ABTB2: variants seen among roughly 807,000 people sequenced by gnomAD.
The protein encoded by ABTB2 is ankyrin repeat and BTB/POZ domain-containing protein 2.
In ABTB2, 56 loss-of-function variants were observed where a neutral mutation model predicts 104.1. That is an observed-to-expected ratio of 0.54 (90% CI 0.43 to 0.67). The LOEUF is 0.67. Ranked by LOEUF, ABTB2 falls within the 30% of genes least tolerant of loss-of-function variation. The pLI, the probability that ABTB2 is intolerant of heterozygous loss-of-function variation, is 0.00. For synonymous variants in ABTB2, 606 were observed against 608.2 expected (o/e 1.00, Z 0.05); for missense variants, 1,279 against 1,407.7 (o/e 0.91, Z 1.46).
intron 1 of ABTB2, among the ~76,000 whole-genome samples, chr11:34,322,610 TAA>T (rs890164385): frequency 1.3e-5 from 2 of 151,778 alleles, no homozygotes; most frequent in Non-Finnish European, 2.9e-5. Flanking sequence ...AATAAAATAA[TAA>T]GAGAAAAAGA....
intron 1 of ABTB2, among the ~76,000 whole-genome samples, chr11:34,224,267 C>T (rs910912564): frequency 6.6e-6 from 1 of 152,118 alleles, no homozygotes; most frequent in African/African-American, 2.4e-5. Flanking sequence ...GCTTCGGCCT[C>T]CCAAAGTGCT....
intron 1 of ABTB2, among the ~76,000 whole-genome samples, chr11:34,266,598 TCTC>T: frequency 1.3e-5 from 2 of 152,076 alleles, no homozygotes; most frequent in Middle Eastern, 6.8e-3. Context: ...AACCACAACA[TCTC>T]CTCTCCTCTC....
Position 34,197,444 on chromosome 11 carries a change from C to T in ABTB2, c.1125G>A (p.Gln375=). 1 of 1,600,656 alleles carries T rather than the reference C, an allele frequency of 6.2e-7. No homozygotes were observed. The highest frequency in any genetic ancestry group is 8.5e-7 in the Non-Finnish European group (1 of 1,172,328). The change falls in exon 3 of 17, where the codon CAG becomes CAA. Residue 375 remains glutamine (Q), a synonymous_variant. Transcript: ENST00000435224. ...SPARQARQPP[Q]PITWSPDALH... ...GGGCGTCGGGGGACCAAGTGATGGG[C>T]TGTGGCGGCTGGCGGGCCTGGCGGG...
intron 1 of ABTB2, among the ~76,000 whole-genome samples, chr11:34,312,483 G>A (rs1333703477): frequency 6.6e-6 from 1 of 152,202 alleles, no homozygotes; most frequent in African/African-American, 2.4e-5. Flanking sequence ...ATTCCGCAGG[G>A]CTTGACAGGG....
intron 1 of ABTB2, among the ~76,000 whole-genome samples, chr11:34,280,553 C>T (rs533462836): frequency 6.6e-6 from 1 of 152,172 alleles, no homozygotes; most frequent in South Asian, 2.1e-4. Flanking sequence ...ACCTCAGGGC[C>T]CCTACTGCTA....
At chr11:34,321,964 T>G (rs1003747232) in intron 1 of ABTB2, among the ~76,000 whole-genome samples, 7 of 152,132 alleles carry the variant, frequency 4.6e-5, no homozygotes, top group Admixed American at 4.6e-4. Flanking sequence ...CCCAAACTCA[T>G]ACCCCCATTG....
intron 1 of ABTB2, among the ~76,000 whole-genome samples, chr11:34,340,662 A>G (rs913584198): frequency 2.0e-5 from 3 of 152,196 alleles, no homozygotes; most frequent in African/African-American, 7.2e-5. Flanking sequence ...AGACTCAGCC[A>G]AAGGACCACA....
intron 1 of ABTB2, among the ~76,000 whole-genome samples, chr11:34,212,445 C>T (rs556812177): frequency 4.6e-5 from 7 of 152,144 alleles, no homozygotes; most frequent in South Asian, 2.1e-4. Context: ...ATTGGATGAA[C>T]GAGCATTTGA....
In ABTB2 at chr11:34,160,778, AGTGT is replaced by A. The variant is rs1852706242; in HGVS notation, c.2397+121_2397+124del. 4 of 986,824 alleles carry A rather than the reference AGTGT, an allele frequency of 4.1e-6. No individual in the cohort carries two copies. The African/African-American group carries it at 7.7e-5, about 19-fold the overall frequency. 61.1% of individuals were successfully genotyped at this position (986,824 alleles called of 1,614,324 possible). A position where few individuals can be genotyped will look rare whatever the true frequency, so the allele number is the denominator to read the frequency against. On this transcript the variant is annotated intron_variant, in intron 11 of 16. Transcript: ENST00000435224. Reference sequence around the variant, plus strand: ...CCTGGGTGCTGAGGGCAGGCGTGTGAGTGTGTGTGCGTTGGGTGAGGGGGTCCCT... The same window carrying A: ...CCTGGGTGCTGAGGGCAGGCGTGTGAGTGTGCGTTGGGTGAGGGGGTCCCT...
intron 3 of ABTB2, among the ~76,000 whole-genome samples, chr11:34,183,541 C>T (rs1024049339): frequency 6.6e-5 from 10 of 152,238 alleles, no homozygotes; most frequent in South Asian, 4.1e-4. Flanking sequence ...GGCCTGCTGC[C>T]GGGCTCATGC....
chr11:34,162,725 C>T lies in ABTB2; in HGVS notation c.2069G>A (p.Gly690Asp), dbSNP rs939657822. The stretch of plus-strand genomic sequence containing the variant: ...GCTCGACGCATCACTTTCCTCCACA[C>T]CCTCGGCCAGGATCTCCTCCAGGGA... ...VLSLEEILAE[G>D]VEESDASSQG... is the part of the protein sequence containing the mutation. Residue 690 changes from glycine to aspartate, a missense_variant, in exon 10 of 17, where the codon GGT (glycine) becomes GAT (aspartate). Physicochemically the swap from Gly to Asp is moderately conservative, Grantham distance 94. Transcript: ENST00000435224. 3.1e-6 allele frequency: 5 copies of T among 1,611,934 alleles called. No homozygotes were observed. Among genetic ancestry groups the T allele is most frequent in the Non-Finnish European group, 4.2e-6 (5 of 1,180,022 alleles).
intron 1 of ABTB2, among the ~76,000 whole-genome samples, chr11:34,314,179 C>T (rs1462782801): frequency 6.6e-6 from 1 of 152,162 alleles, no homozygotes; most frequent in Non-Finnish European, 1.5e-5. Flanking sequence ...ACCCCAAAAC[C>T]CTCGAGGGTC....
rs774962753 is a variant in ABTB2, at chr11:34,173,223, G to C, written c.1329C>G (p.Asp443Glu). The change falls in exon 4 of 17, where the codon GAC (aspartate) becomes GAG (glutamate). Residue 443 changes from aspartate to glutamate, a missense_variant. Physicochemically the swap from Asp to Glu is conservative, Grantham distance 45. Transcript: ENST00000435224. ...GGGCTGCCTGCCGGATGTCGCCGCT[G>C]TCCACGGTGAGGCTGCGGCGGTGCT... is the stretch of plus-strand genomic sequence containing the variant. Reference protein sequence around the residue: ...YAEHRRSLTVDSGDIRQAARL... With the variant: ...YAEHRRSLTVESGDIRQAARL... 6.2e-7 allele frequency: 1 copy of C among 1,613,494 alleles called. No homozygotes were observed. The highest frequency in any genetic ancestry group is 1.7e-5 in the Admixed American group (1 of 59,974).
intron 1 of ABTB2, among the ~76,000 whole-genome samples, chr11:34,277,423 G>A (rs889451550): frequency 6.6e-6 from 1 of 151,904 alleles, no homozygotes; most frequent in South Asian, 2.1e-4. Flanking sequence ...CTAGGAGTGA[G>A]TGGCTACAAA....
chr11:34,229,450 C>A, intron 1 of ABTB2, among the ~76,000 whole-genome samples: 1 of 148,408 alleles, frequency 6.7e-6, no homozygotes. Flanking sequence ...CACTGCACTC[C>A]AGCCTGGGTG....
intron 1 of ABTB2, among the ~76,000 whole-genome samples, chr11:34,285,868 T>G (rs1182288926): frequency 1.3e-5 from 2 of 152,158 alleles, no homozygotes; most frequent in Non-Finnish European, 2.9e-5. Context: ...CTGCATCTTG[T>G]GTCTGTAACT....
chr11:34,275,691 G>A (rs1210074679), intron 1 of ABTB2, among the ~76,000 whole-genome samples: 1 of 152,158 alleles, frequency 6.6e-6, no homozygotes, highest in African/African-American at 2.4e-5. Context: ...TTCACTAGCT[G>A]GTCTGACCAG....
At chr11:34,166,565 G>C (rs1852803268) in intron 7 of ABTB2, among the ~76,000 whole-genome samples, 1 of 152,272 alleles carries the variant, frequency 6.6e-6, no homozygotes, top group Admixed American at 6.5e-5. Flanking sequence ...TGCCCTCAGA[G>C]GTCTTGCAAC....
Position 34,328,523 on chromosome 11 carries a change from A to T in ABTB2, c.883+28178T>A, listed in dbSNP as rs185521861. On this transcript the variant is annotated intron_variant, in intron 1 of 16. Transcript: ENST00000435224. ...TGATGAGGATTAAATGAGACAACGT[A>T]TGCAAAATTCTTAGCACTGTACCTG... Among the ~76,000 whole-genome samples the T allele has an allele frequency of 2.1e-3, 322 of 152,330 alleles. 1 individual carries two copies. Among genetic ancestry groups the T allele is most frequent in the African/African-American group, 7.2e-3 (300 of 41,570 alleles).
Sources: gnomAD v4.1 joint callset for allele counts (sites outside exome capture counted in the v4.1 genomes callset) on GRCh38, gnomAD v4.1.1 for gene constraint, MANE v1.5 for transcripts, NCBI Gene and HGNC (gene_info 2026-07-23, HGNC 2026-07-21) for gene names.